CFAP54: variants seen among roughly 807,000 people sequenced by gnomAD.
CFAP54 encodes the protein cilia- and flagella-associated protein 54.
In CFAP54, 290 loss-of-function variants were observed where a neutral mutation model predicts 370.4. The observed-to-expected ratio is 0.78, with a 90% CI of 0.71 to 0.86. CFAP54 has a LOEUF of 0.86. CFAP54 is among the 40% of genes least tolerant of loss of function. The probability of loss-of-function intolerance (pLI) is 0.00; values close to 1 mark genes in which losing one functional copy is unlikely to be tolerated. For synonymous variants in CFAP54, 1,206 were observed against 1,236.5 expected (o/e 0.98, Z 0.52); for missense variants, 3,399 against 3,528.7 (o/e 0.96, Z 0.93).
intron 60 of CFAP54, among the ~76,000 whole-genome samples, chr12:96,778,910 C>G (rs929938180): frequency 1.3e-5 from 2 of 151,948 alleles, no homozygotes; most frequent in African/African-American, 4.8e-5. Context: ...GAGTTCAAGA[C>G]CAACCTGGCC....
intron 51 of CFAP54, among the ~76,000 whole-genome samples, chr12:96,741,268 G>A (rs974938508): frequency 2.0e-5 from 3 of 151,848 alleles, no homozygotes; most frequent in African/African-American, 7.3e-5. Context: ...CTGGGTTCAA[G>A]CAATTCTCCT....
intron 65 of CFAP54, 91 bp downstream of exon 65, chr12:96,818,004 ATTC>A: frequency 1.1e-6 from 1 of 935,748 alleles, no homozygotes. Context: ...AAACTCTGTA[ATTC>A]TTCTGCCTCT....
intron 30 of CFAP54, 124 bp from the exon 31 acceptor site, chr12:96,629,969 A>G: frequency 2.2e-6 from 1 of 448,996 alleles, no homozygotes; most frequent in Non-Finnish European, 4.0e-6. Flanking sequence ...AAATTGATGC[A>G]TAGGACACAA....
At chr12:96,721,789 A>G (rs1357983466) in intron 50 of CFAP54, among the ~76,000 whole-genome samples, 1 of 152,228 alleles carries the variant, frequency 6.6e-6, no homozygotes, top group Non-Finnish European at 1.5e-5. Context: ...ATTGTGCAAA[A>G]TCTTGCCCTA....
At chr12:96,784,693 C>T in intron 60 of CFAP54, 24 bp from the exon 61 acceptor site, 5 of 1,463,572 alleles carry the variant, frequency 3.4e-6, no homozygotes, top group Non-Finnish European at 4.5e-6. Context: ...TATTGTATTA[C>T]AAAAAAAAGT....
intron 32 of CFAP54, among the ~76,000 whole-genome samples, chr12:96,638,430 G>C (rs1342452109): frequency 2.0e-5 from 3 of 150,690 alleles, no homozygotes; most frequent in Non-Finnish European, 4.4e-5. Context: ...TGTAGAGATG[G>C]CCTCGCTATG....
At chr12:96,597,383 T>G (rs1001831243) in intron 25 of CFAP54, among the ~76,000 whole-genome samples, 3 of 151,930 alleles carry the variant, frequency 2.0e-5, no homozygotes, top group African/African-American at 7.2e-5. Context: ...GGATGGTATC[T>G]CATCTTCACT....
chr12:96,760,652 C>T (rs1958324929), intron 58 of CFAP54, among the ~76,000 whole-genome samples: 1 of 152,218 alleles, frequency 6.6e-6, no homozygotes, highest in Admixed American at 6.5e-5. Context: ...CCTGCCTCAG[C>T]TTCCCGAGTA....
intron 2 of CFAP54, 151 bp from the exon 3 acceptor site, chr12:96,503,735 C>T (rs1955058623): frequency 3.2e-6 from 2 of 618,396 alleles, no homozygotes; most frequent in Non-Finnish European, 5.4e-6. Context: ...CAGTGTCTCT[C>T]ACATACTATG....
chr12:96,723,332 C>T (rs1372572584), intron 50 of CFAP54, among the ~76,000 whole-genome samples: 1 of 152,106 alleles, frequency 6.6e-6, no homozygotes, highest in Non-Finnish European at 1.5e-5. Context: ...GAGTTTTGTA[C>T]TCCAACTTTA....
intron 25 of CFAP54, among the ~76,000 whole-genome samples, chr12:96,597,151 C>A (rs971277352): frequency 6.6e-6 from 1 of 151,650 alleles, no homozygotes; most frequent in Non-Finnish European, 1.5e-5. Flanking sequence ...CACGGTAGTC[C>A]CTCTGCTAGT....
intron 14 of CFAP54, among the ~76,000 whole-genome samples, chr12:96,544,337 A>G (rs1263206866): frequency 6.6e-6 from 1 of 152,138 alleles, no homozygotes; most frequent in African/African-American, 2.4e-5. Flanking sequence ...TGGAGCAATA[A>G]AAGTGAAAGA....
At chr12:96,828,668 C>T (rs1169379682) in intron 65 of CFAP54, among the ~76,000 whole-genome samples, 2 of 152,150 alleles carry the variant, frequency 1.3e-5, no homozygotes, top group Non-Finnish European at 2.9e-5. Context: ...TTTTCATTCG[C>T]TCTTCCCCTG....
chr12:96,644,724 A>T (rs1400230872), intron 33 of CFAP54, among the ~76,000 whole-genome samples: 5 of 152,182 alleles, frequency 3.3e-5, no homozygotes, highest in Non-Finnish European at 1.5e-5. Context: ...GAAATACCAT[A>T]TGCTCATAAA....
intron 50 of CFAP54, among the ~76,000 whole-genome samples, chr12:96,726,801 T>C (rs1957845713): frequency 1.3e-5 from 2 of 152,072 alleles, no homozygotes; most frequent in Non-Finnish European, 1.5e-5. Flanking sequence ...CTGCTTTCTC[T>C]TGTGGGCATT....
At chr12:96,821,968 A>G (rs941422422) in intron 65 of CFAP54, among the ~76,000 whole-genome samples, 7 of 152,130 alleles carry the variant, frequency 4.6e-5, no homozygotes, top group African/African-American at 1.7e-4. Context: ...CATGGGGGGA[A>G]GGTAGTGAAT....
At chr12:96,743,258 A>T (rs924293698) in intron 52 of CFAP54, 144 bp from the exon 53 acceptor site, 15 of 787,484 alleles carry the variant, frequency 1.9e-5, no homozygotes, top group Non-Finnish European at 2.9e-5. Context: ...TCCATGTTTC[A>T]TGTAGAGTCT....
At chr12:96,682,492 C>T (rs771003039) in intron 40 of CFAP54, among the ~76,000 whole-genome samples, 8 of 152,022 alleles carry the variant, frequency 5.3e-5, no homozygotes, top group Admixed American at 1.3e-4. Flanking sequence ...CCTCCCACTT[C>T]AGTCTCCCAA....
chr12:96,684,816 G>A, intron 41 of CFAP54, 81 bp downstream of exon 41: 1 of 1,248,870 alleles, frequency 8.0e-7, no homozygotes, highest in African/African-American at 1.5e-5. Context: ...AAAAAACATT[G>A]TCTTTCATAA....
Sources: gnomAD v4.1 joint callset for allele counts (sites outside exome capture counted in the v4.1 genomes callset) on GRCh38, gnomAD v4.1.1 for gene constraint, MANE v1.5 for transcripts, NCBI Gene and HGNC (gene_info 2026-07-23, HGNC 2026-07-21) for gene names.